Variants in NRP1 observed in about 807,000 individuals in gnomAD.
NRP1 encodes the protein neuropilin 1.
In NRP1, 35 loss-of-function variants were observed where a neutral mutation model predicts 106.7. That is an observed-to-expected ratio of 0.33 (90% CI 0.25 to 0.43). The LOEUF (loss-of-function observed/expected upper bound fraction) is 0.43, where lower values mean the gene tolerates loss of function less well. Ranked by LOEUF, NRP1 falls within the 20% of genes least tolerant of loss-of-function variation. The pLI is 1.00. For missense variants in NRP1, 1,024 were observed against 1,170.4 expected (o/e 0.87, Z 1.83); for synonymous variants, 437 against 417.9 (o/e 1.05, Z -0.56).
chr10:33,259,976 T>G (rs979545423), intron 4 of NRP1, among the ~76,000 whole-genome samples: 1 of 152,158 alleles, frequency 6.6e-6, no homozygotes, highest in African/African-American at 2.4e-5. Context: ...CACTTCAGTC[T>G]CCTGAAGGGC....
intron 2 of NRP1, among the ~76,000 whole-genome samples, chr10:33,287,627 G>C (rs1319837930): frequency 2.0e-5 from 3 of 152,210 alleles, no homozygotes; most frequent in African/African-American, 4.8e-5. Flanking sequence ...GAGATAGCTA[G>C]TTGACTTGAT....
intron 13 of NRP1, among the ~76,000 whole-genome samples, chr10:33,187,354 T>C (rs1836079937): frequency 6.6e-6 from 1 of 152,210 alleles, no homozygotes; most frequent in Non-Finnish European, 1.5e-5. Context: ...TTCCTAATAA[T>C]GTAGTAATCT....
rs973126775 is a variant in NRP1, at chr10:33,207,450, C to A, written c.1759+122G>T. 3 of 1,036,654 alleles carry A rather than the reference C, an allele frequency of 2.9e-6. No individual in the cohort carries two copies. The Admixed American group carries it at 6.5e-5, about 23-fold the overall frequency. 64.2% of individuals were successfully genotyped at this position (1,036,654 alleles called of 1,614,324 possible). A position where few individuals can be genotyped will look rare whatever the true frequency, so the allele number is the denominator to read the frequency against. ...TTGAGTCTCACTGATGGGCAGGCAC[C>A]GAGATAAGGGGCCTCCCAAGGGAAA... On this transcript the variant is annotated intron_variant, in intron 10 of 16. Transcript: ENST00000374867.
At chr10:33,317,182 G>A (rs1021585243) in intron 2 of NRP1, among the ~76,000 whole-genome samples, 13 of 152,202 alleles carry the variant, frequency 8.5e-5, no homozygotes, top group African/African-American at 3.1e-4. Flanking sequence ...AAGAAGCGTT[G>A]AGAGTGCTTT....
chr10:33,317,181 T>C lies in NRP1; in HGVS notation c.248+13527A>G, dbSNP rs74703167. ...GTAGCCATTTGAAATGAAGAAGCGT[T>C]GAGAGTGCTTTTGAAGAGTTGCAGA... On this transcript the variant is annotated intron_variant, in intron 2 of 16. Transcript: ENST00000374867. Among the ~76,000 whole-genome samples, 1,008 of 152,280 alleles carry C rather than the reference T, an allele frequency of 6.6e-3. 12 individuals carry two copies. The highest frequency in any genetic ancestry group is 0.024 in the African/African-American group (980 of 41,566).
At chr10:33,209,870 G>A (rs533375686) in intron 9 of NRP1, among the ~76,000 whole-genome samples, 10 of 152,364 alleles carry the variant, frequency 6.6e-5, no homozygotes, top group African/African-American at 2.2e-4. Context: ...TCTTTAATAT[G>A]ATGCAAATTG....
At chr10:33,253,324 G>A (rs1455044884) in intron 6 of NRP1, among the ~76,000 whole-genome samples, 2 of 152,152 alleles carry the variant, frequency 1.3e-5, no homozygotes, top group Admixed American at 1.3e-4. Flanking sequence ...TCAGCGGTGG[G>A]GATGTGGGGC....
At chr10:33,245,532 C>T (rs1248033982) in intron 6 of NRP1, among the ~76,000 whole-genome samples, 2 of 152,210 alleles carry the variant, frequency 1.3e-5, no homozygotes, top group Non-Finnish European at 2.9e-5. Context: ...ATTTGCCAGT[C>T]AGCAAATAAG....
At chr10:33,231,205 TG>T (rs1444248841) in intron 6 of NRP1, among the ~76,000 whole-genome samples, 2 of 152,346 alleles carry the variant, frequency 1.3e-5, no homozygotes, top group South Asian at 4.1e-4. Context: ...TCCCCATCAC[TG>T]AATTCATCAT....
chr10:33,214,168 A>G (rs1202294324), intron 8 of NRP1, among the ~76,000 whole-genome samples: 2 of 152,132 alleles, frequency 1.3e-5, no homozygotes, highest in Non-Finnish European at 2.9e-5. Context: ...ACGAATGCAT[A>G]CTCAGCCTGC....
At chr10:33,207,835 C>T in intron 9 of NRP1, 119 bp from the exon 10 acceptor site, 2 of 1,025,644 alleles carry the variant, frequency 1.9e-6, no homozygotes, top group South Asian at 1.7e-5. Context: ...CTTCATTCTA[C>T]CACTTTGTGG....
intron 12 of NRP1, among the ~76,000 whole-genome samples, chr10:33,196,646 C>G (rs1836806769): frequency 2.6e-5 from 4 of 152,108 alleles, no homozygotes; most frequent in Admixed American, 1.3e-4. Context: ...TTTTGTCAAC[C>G]TGAACATGCT....
At chr10:33,328,961 G>T (rs918809637) in intron 2 of NRP1, among the ~76,000 whole-genome samples, 3 of 152,134 alleles carry the variant, frequency 2.0e-5, no homozygotes, top group Non-Finnish European at 4.4e-5. Context: ...TTGGAATAAT[G>T]TTATTACTTG....
In NRP1 at chr10:33,239,592, C is replaced by A. The variant is rs190281222; in HGVS notation, c.982-13303G>T. On this transcript the variant is annotated intron_variant, in intron 6 of 16. Transcript: ENST00000374867. ...TTCTAGTCCTTTGAAAAGTTCACCA[C>A]TTAAAACTAGAGTCTGCTAACTGAT... is the stretch of plus-strand genomic sequence containing the variant. 3.3e-5 allele frequency among the ~76,000 whole-genome samples: 5 copies of A among 152,330 alleles called. No individual in the cohort carries two copies. The East Asian group carries it at 9.6e-4, about 29-fold the overall frequency.
In NRP1 at chr10:33,263,839, A is replaced by T. The variant is rs559961807; in HGVS notation, c.465T>A (p.Ser155Arg). Residue 155 changes from serine to arginine, a missense_variant, in exon 4 of 17, where the codon AGT (serine) becomes AGA (arginine). This residue lies in a region of NRP1 where 279 missense variants were observed against 327.4 expected (regional missense o/e 0.85). Transcript: ENST00000374867. Reference protein sequence around the residue: ...PECSQNYTTPSGVIKSPGFPE... With the variant: ...PECSQNYTTPRGVIKSPGFPE... The stretch of plus-strand genomic sequence containing the variant: ...GGAATCCGGGGGACTTTATCACTCC[A>T]CTAGGTGTTGTGTAGTTCTGGGAAC... 132 of 1,613,578 alleles carry T rather than the reference A, an allele frequency of 8.2e-5. No homozygotes were observed. In the South Asian group the frequency reaches 1.4e-3, roughly 17 times the overall value.
At chr10:33,263,967 T>G (rs961591411) in intron 3 of NRP1, 94 bp from the exon 4 acceptor site, 9 of 758,112 alleles carry the variant, frequency 1.2e-5, no homozygotes, top group Admixed American at 6.9e-5. Flanking sequence ...ATCTTTCTAA[T>G]AAAAGCCCGC....
intron 8 of NRP1, among the ~76,000 whole-genome samples, chr10:33,216,843 T>C (rs1288354871): frequency 6.6e-6 from 1 of 152,124 alleles, no homozygotes; most frequent in African/African-American, 2.4e-5. Context: ...TTTTTCTGTT[T>C]TATATGACTC....
chr10:33,333,232 AT>A (rs5784335), intron 1 of NRP1, among the ~76,000 whole-genome samples: 131,847 of 151,128 alleles, frequency 0.87, 57,651 homozygotes, highest in East Asian at 0.99. Flanking sequence ...CATGTTCATA[AT>A]TTTTTTTTTT....
intron 9 of NRP1, chr10:33,212,691 G>C (rs1838402357): frequency 6.7e-6 from 1 of 149,988 alleles, no homozygotes; most frequent in African/African-American, 2.5e-5. Context: ...TTTTTTTTGA[G>C]ACGGAATCTC....
Sources: gnomAD v4.1 joint callset for allele counts (sites outside exome capture counted in the v4.1 genomes callset) on GRCh38, gnomAD v4.1.1 for gene constraint, gnomAD v4.1.1 regional missense constraint, MANE v1.5 for transcripts, NCBI Gene and HGNC (gene_info 2026-07-23, HGNC 2026-07-21) for gene names.